The following EIF4E variants were observed in gnomAD, a reference collection of about 807,000 sequenced individuals.
EIF4E encodes the protein eukaryotic translation initiation factor 4E.
For synonymous variants in EIF4E, 71 were observed against 88.5 expected (o/e 0.80, Z 1.11); for missense variants, 113 against 265.6 (o/e 0.43, Z 3.99).
chr4:98,897,608 T>C (rs1724465121), intron 2 of EIF4E, among the ~76,000 whole-genome samples: 1 of 152,132 alleles, frequency 6.6e-6, no homozygotes, highest in Non-Finnish European at 1.5e-5. Flanking sequence ...GCAATAAACA[T>C]TACCAGTTTC....
At chr4:98,918,230 G>A (rs1725479258) in intron 1 of EIF4E, among the ~76,000 whole-genome samples, 1 of 151,860 alleles carries the variant, frequency 6.6e-6, no homozygotes, top group South Asian at 2.1e-4. Context: ...TGGATGTGGT[G>A]GTGGACGCCT....
chr4:98,925,142 A>C (rs1388105043), intron 1 of EIF4E, among the ~76,000 whole-genome samples: 1 of 152,204 alleles, frequency 6.6e-6, no homozygotes, highest in African/African-American at 2.4e-5. Flanking sequence ...GCATGTTTCC[A>C]AAGTATAAAA....
intron 2 of EIF4E, among the ~76,000 whole-genome samples, chr4:98,896,667 CAAAAAAAAAAAAAAA>C (rs61329973): frequency 1.3e-4 from 6 of 47,680 alleles, no homozygotes; most frequent in East Asian, 7.9e-4. Flanking sequence ...ATGTCTCTTC[CAAAAAAAAAAAAAAA>C]AAAAAAAAAA....
chr4:98,885,217 C>G (rs938704555), intron 5 of EIF4E, among the ~76,000 whole-genome samples, 156 bp from the exon 6 acceptor site: 2 of 152,070 alleles, frequency 1.3e-5, no homozygotes, highest in Non-Finnish European at 2.9e-5. Context: ...ATTGATCTGT[C>G]CTGACTTTTA....
At chr4:98,909,767 G>T (rs1159775266) in intron 1 of EIF4E, 6 of 702,794 alleles carry the variant, frequency 8.5e-6, no homozygotes, top group South Asian at 1.5e-5. Context: ...TTCTTGTTTT[G>T]CTTCTTTTTC....
chr4:98,907,471 A>C (rs1310270207), intron 1 of EIF4E, among the ~76,000 whole-genome samples: 1 of 152,118 alleles, frequency 6.6e-6, no homozygotes, highest in Non-Finnish European at 1.5e-5. Context: ...GGAGAAAGAC[A>C]TTCTATATCA....
intron 1 of EIF4E, among the ~76,000 whole-genome samples, chr4:98,923,612 C>T (rs1243095379): frequency 6.6e-6 from 1 of 152,136 alleles, no homozygotes; most frequent in African/African-American, 2.4e-5. Context: ...AGCCCAGCCC[C>T]TTTCTTTTTC....
intron 1 of EIF4E, chr4:98,926,656 C>T (rs780407045): frequency 1.3e-5 from 2 of 152,188 alleles, no homozygotes; most frequent in Non-Finnish European, 2.9e-5. Flanking sequence ...GGTTCCCCTA[C>T]TCCCCAAATT....
chr4:98,907,771 A>C (rs1195763879), intron 1 of EIF4E, among the ~76,000 whole-genome samples: 2 of 152,192 alleles, frequency 1.3e-5, no homozygotes, highest in Non-Finnish European at 2.9e-5. Context: ...ATCTAGGGTA[A>C]GTCCTTAAAA....
rs1187705575 is a variant in EIF4E at position 98,880,487 on chromosome 4, A to C, written c.*541T>G. On this transcript the variant is annotated 3_prime_UTR_variant, in exon 7 of 7. Coordinates refer to ENST00000450253, the MANE Select transcript of EIF4E (RefSeq NM_001968.5). ...CAAATGAAAAACTGAAATCAGAATC[A>C]CTAATATTATCAAGTAGGGAAACAA... 1 of 85,880 alleles carries C rather than the reference A, an allele frequency of 1.2e-5. No individual in the cohort carries two copies. Among genetic ancestry groups the C allele is most frequent in the Non-Finnish European group, 2.3e-5 (1 of 43,398 alleles). 5.3% of individuals were successfully genotyped at this position (85,880 alleles called of 1,614,324 possible).
At chr4:98,893,075 T>C (rs1282465767) in intron 2 of EIF4E, among the ~76,000 whole-genome samples, 1 of 152,194 alleles carries the variant, frequency 6.6e-6, no homozygotes, top group Non-Finnish European at 1.5e-5. Flanking sequence ...AATTTTTTGG[T>C]TTCCCGGTGC....
intron 1 of EIF4E, among the ~76,000 whole-genome samples, chr4:98,918,991 G>A (rs1304349546): frequency 2.0e-5 from 3 of 152,108 alleles, no homozygotes; most frequent in East Asian, 1.9e-4. Context: ...GTAAAGTACT[G>A]TCTATTTACA....
chr4:98,914,223 G>A (rs2110213532), intron 1 of EIF4E, among the ~76,000 whole-genome samples: 2 of 151,784 alleles, frequency 1.3e-5, no homozygotes, highest in South Asian at 4.2e-4. Flanking sequence ...AGGCGTGGTG[G>A]CGCATGCCTG....
Position 98,880,829 on chromosome 4 carries a change from T to C in EIF4E, c.*199A>G, listed in dbSNP as rs1419353106. 1 of 1,024,740 alleles carries C rather than the reference T, an allele frequency of 9.8e-7. No homozygotes were observed. The highest frequency in any genetic ancestry group is 1.3e-6 in the Non-Finnish European group (1 of 758,478). The allele number at this position is 1,024,740 out of a possible 1,614,324, so 63.5% of individuals were successfully genotyped here. On this transcript the variant is annotated 3_prime_UTR_variant, in exon 7 of 7. Coordinates refer to ENST00000450253, the MANE Select transcript of EIF4E (RefSeq NM_001968.5). The stretch of plus-strand genomic sequence containing the variant: ...ATTCTTTGATTGGGATAGTGGAAAC[T>C]CTAGCCAAAAAAAAAAAAAAAAATG...
intron 1 of EIF4E, among the ~76,000 whole-genome samples, chr4:98,902,911 T>C (rs1414920638): frequency 6.6e-6 from 1 of 152,178 alleles, no homozygotes; most frequent in Non-Finnish European, 1.5e-5. Context: ...AAGCCAATGA[T>C]GCGCAGGTCT....
chr4:98,914,695 C>T (rs1398034253), intron 1 of EIF4E, among the ~76,000 whole-genome samples: 2 of 152,008 alleles, frequency 1.3e-5, no homozygotes, highest in East Asian at 1.9e-4. Context: ...ATATTATAAC[C>T]GCAGATACAT....
At chr4:98,920,061 C>G (rs2110221800) in intron 1 of EIF4E, among the ~76,000 whole-genome samples, 1 of 152,296 alleles carries the variant, frequency 6.6e-6, no homozygotes, top group East Asian at 1.9e-4. Context: ...AGAAAGTTCT[C>G]CTGGACAGAC....
chr4:98,928,773 C>G (rs113241521), intron 1 of EIF4E: 1 of 1,324,696 alleles, frequency 7.5e-7, no homozygotes. Flanking sequence ...CATGAAGACA[C>G]CATCCTCGCA....
rs17028248 is a variant in EIF4E, at chr4:98,909,689, G to A, written c.19-7707C>T. On this transcript the variant is annotated intron_variant, in intron 1 of 6. Transcript: ENST00000450253. ...ACAAGGCTTATCACCTGGGATTCTC[G>A]CAGACTTTCTGCCTGCTTTTTAATG... is the stretch of plus-strand genomic sequence containing the variant. The A allele has an allele frequency of 2.9e-3, 2,067 of 709,930 alleles. 32 individuals are homozygous for A. The African/African-American group carries it at 0.031, about 11-fold the overall frequency. The allele number at this position is 709,930 out of a possible 1,614,324, so 44.0% of individuals were successfully genotyped here.
Sources: allele counts gnomAD v4.1 joint callset (sites outside exome capture counted in the v4.1 genomes callset), GRCh38; gene constraint gnomAD v4.1.1; transcripts MANE v1.5; gene names NCBI Gene and HGNC (gene_info 2026-07-23, HGNC 2026-07-21).